Variants in SEMA3A observed in about 807,000 individuals in gnomAD.
The protein encoded by SEMA3A is semaphorin 3A.
Under a neutral mutation model 97.9 loss-of-function variants are expected in SEMA3A, and 29 were observed. The observed-to-expected ratio is 0.30, with a 90% CI of 0.22 to 0.40. The LOEUF is 0.40. Among genes scored for constraint, SEMA3A ranks in the 10% least tolerant of loss-of-function variants. SEMA3A has a pLI of 1.00. For synonymous variants in SEMA3A, 321 were observed against 323.7 expected (o/e 0.99, Z 0.09); for missense variants, 763 against 951.3 (o/e 0.80, Z 2.60).
chr7:84,464,551 T>C (rs1805942403), intron 1 of SEMA3A, among the ~76,000 whole-genome samples: 1 of 152,180 alleles, frequency 6.6e-6, no homozygotes, highest in African/African-American at 2.4e-5. Context: ...AGTGAAATAA[T>C]GACAGAGGTA....
intron 1 of SEMA3A, among the ~76,000 whole-genome samples, chr7:84,432,707 A>G (rs1805013411): frequency 6.6e-6 from 1 of 152,092 alleles, no homozygotes; most frequent in South Asian, 2.1e-4. Context: ...GTTGCTGCAA[A>G]AAGACATAAT....
intron 2 of SEMA3A, among the ~76,000 whole-genome samples, chr7:84,347,410 C>CT (rs549082504): frequency 0.27 from 36,943 of 136,460 alleles, 5,214 homozygotes; most frequent in South Asian, 0.42. Context: ...TTCTTCAAAC[C>CT]TTTTTTTTTT....
At chr7:84,456,728 T>C (rs1190130390) in intron 1 of SEMA3A, among the ~76,000 whole-genome samples, 1 of 151,828 alleles carries the variant, frequency 6.6e-6, no homozygotes, top group Non-Finnish European at 1.5e-5. Flanking sequence ...CCATGTTATA[T>C]TTGGCTTTAT....
intron 3 of SEMA3A, among the ~76,000 whole-genome samples, chr7:84,237,317 G>A (rs1365350470): frequency 6.6e-6 from 1 of 151,906 alleles, no homozygotes; most frequent in African/African-American, 2.4e-5. Context: ...TATATCAACA[G>A]GTAAATTTCA....
intron 1 of SEMA3A, among the ~76,000 whole-genome samples, chr7:84,387,287 A>C (rs567983502): frequency 6.6e-6 from 1 of 152,254 alleles, no homozygotes; most frequent in Non-Finnish European, 1.5e-5. Context: ...TAAATAAATA[A>C]ATAAATAAAT....
intron 12 of SEMA3A, among the ~76,000 whole-genome samples, chr7:83,994,647 C>T (rs1056548542): frequency 6.8e-6 from 1 of 147,118 alleles, no homozygotes; most frequent in African/African-American, 2.5e-5. Context: ...GGGTCAGGGA[C>T]CCACTTGAGG....
Position 84,359,944 on chromosome 7 carries a change from C to A in SEMA3A, c.-169+11880G>T, listed in dbSNP as rs543450942. On this transcript the variant is annotated intron_variant, in intron 2 of 3. Transcript: ENST00000424555. ...TTTGCGTAGAGGTGTTTGTAGTATT[C>A]TCTGATGGTAGTTTGTATTTCTGTG... Among the ~76,000 whole-genome samples the A allele has an allele frequency of 3.2e-4, 49 of 150,842 alleles. No individual in the cohort carries two copies. The East Asian group carries it at 9.0e-3, about 28-fold the overall frequency.
intron 1 of SEMA3A, among the ~76,000 whole-genome samples, chr7:84,484,899 GT>G (rs1484786987): frequency 1.3e-4 from 20 of 152,072 alleles, no homozygotes; most frequent in Non-Finnish European, 2.4e-4. Flanking sequence ...AATACAAACA[GT>G]TTTTATTGCA....
chr7:84,442,258 T>C (rs1021244954), intron 1 of SEMA3A, among the ~76,000 whole-genome samples: 3 of 152,160 alleles, frequency 2.0e-5, no homozygotes, highest in African/African-American at 7.2e-5. Context: ...TAGTATATTA[T>C]AAAATTATTA....
At chr7:84,114,437 T>C (rs970580017) in intron 3 of SEMA3A, among the ~76,000 whole-genome samples, 3 of 152,086 alleles carry the variant, frequency 2.0e-5, no homozygotes, top group African/African-American at 7.2e-5. Flanking sequence ...CTCAGGTCAG[T>C]GAGAATTCCT....
chr7:84,241,659 T>C (rs1199594283), intron 3 of SEMA3A, among the ~76,000 whole-genome samples: 2 of 152,212 alleles, frequency 1.3e-5, no homozygotes, highest in Admixed American at 1.3e-4. Flanking sequence ...ATTTTGGCTA[T>C]TGTTGCCATT....
Position 84,219,378 on chromosome 7 carries a change from A to G in SEMA3A, c.-82-24710T>C, listed in dbSNP as rs376877557. ...GATGTAGATCTACAGAGATCTTATT[A>G]AGGCTTTCGGTATAACTAAGTACAC... On this transcript the variant is annotated intron_variant, in intron 3 of 3. Transcript: ENST00000424555. Among the ~76,000 whole-genome samples, 13 of 152,178 alleles carry G rather than the reference A, an allele frequency of 8.5e-5. No individual in the cohort carries two copies. In the South Asian group the frequency reaches 2.7e-3, roughly 32 times the overall value.
intron 1 of SEMA3A, among the ~76,000 whole-genome samples, chr7:84,178,821 G>C (rs1797650761): frequency 6.6e-6 from 1 of 152,054 alleles, no homozygotes; most frequent in Non-Finnish European, 1.5e-5. Flanking sequence ...GAACTTATTT[G>C]ATACAATTTT....
intron 2 of SEMA3A, among the ~76,000 whole-genome samples, chr7:84,314,707 A>G (rs10247316): frequency 0.026 from 3,898 of 152,334 alleles, 171 homozygotes; most frequent in African/African-American, 0.089. Context: ...TGCAAAAGGC[A>G]TATAGAAGAT....
At chr7:84,415,549 C>T (rs1016471874) in intron 1 of SEMA3A, among the ~76,000 whole-genome samples, 1 of 151,878 alleles carries the variant, frequency 6.6e-6, no homozygotes, top group Non-Finnish European at 1.5e-5. Context: ...GATAATGATA[C>T]CACTTGGGGA....
intron 2 of SEMA3A, among the ~76,000 whole-genome samples, chr7:84,346,743 G>A (rs543701896): frequency 3.9e-5 from 6 of 152,196 alleles, no homozygotes; most frequent in Non-Finnish European, 8.8e-5. Context: ...TATAATAATA[G>A]GGAAAAACTT....
chr7:84,214,911 G>C (rs150217278), intron 3 of SEMA3A, among the ~76,000 whole-genome samples: 1 of 151,242 alleles, frequency 6.6e-6, no homozygotes, highest in Non-Finnish European at 1.5e-5. Flanking sequence ...ATATTGGCCA[G>C]GCTGGTCTTG....
chr7:83,988,461 C>A (rs1789733394), intron 12 of SEMA3A, among the ~76,000 whole-genome samples: 2 of 152,040 alleles, frequency 1.3e-5, no homozygotes, highest in South Asian at 4.1e-4. Flanking sequence ...GATCTCCCGA[C>A]CTCGTGATCC....
intron 15 of SEMA3A, among the ~76,000 whole-genome samples, chr7:83,975,432 G>T (rs1789103867): frequency 6.6e-6 from 1 of 151,970 alleles, no homozygotes; most frequent in Non-Finnish European, 1.5e-5. Flanking sequence ...GAATATAATG[G>T]TGTTGATAAT....
Sources: allele counts gnomAD v4.1 joint callset (sites outside exome capture counted in the v4.1 genomes callset), GRCh38; gene constraint gnomAD v4.1.1; transcripts MANE v1.5; gene names NCBI Gene and HGNC (gene_info 2026-07-23, HGNC 2026-07-21).